The following VDAC1 variants were observed in gnomAD, a reference collection of about 807,000 sequenced individuals.
The protein encoded by VDAC1 is voltage dependent anion channel 1, also known as non-selective voltage-gated ion channel VDAC1.
Under a neutral mutation model 34.7 loss-of-function variants are expected in VDAC1, and 10 were observed. The ratio of observed to expected loss-of-function variants is 0.29; its 90% CI spans 0.18 to 0.49. The LOEUF (loss-of-function observed/expected upper bound fraction) is 0.49. VDAC1 is among the 20% of genes least tolerant of loss of function. The pLI, the probability that VDAC1 is intolerant of heterozygous loss-of-function variation, is 0.99. For synonymous variants in VDAC1, 130 were observed against 136.0 expected, an observed-to-expected ratio of 0.96 and a Z score of 0.30; for missense variants, 230 against 347.9, an observed-to-expected ratio of 0.66 and a Z score of 2.69.
chr5:134,018,255 A>T, the VDAC1 span, among the ~76,000 whole-genome samples: 1 of 152,308 alleles, frequency 6.6e-6, no homozygotes, highest in Non-Finnish European at 1.5e-5. Context: ...GGAGCAAGGG[A>T]GAGAAGGAGG....
the VDAC1 span, among the ~76,000 whole-genome samples, chr5:134,022,163 G>A: frequency 6.6e-6 from 1 of 152,310 alleles, no homozygotes; most frequent in East Asian, 1.9e-4. Flanking sequence ...ACAGGCGTGA[G>A]CCACTGTGCC....
chr5:134,021,378 C>T, the VDAC1 span, among the ~76,000 whole-genome samples: 1 of 151,052 alleles, frequency 6.6e-6, no homozygotes, highest in South Asian at 2.1e-4. Context: ...TGATGTTCCC[C>T]ACTCTGTGTC....
At chr5:134,004,491 C>T (rs1753683529) in intron 1 of VDAC1, 1 of 153,160 alleles carries the variant, frequency 6.5e-6, no homozygotes, top group African/African-American at 2.4e-5. Context: ...GCTCACCAGC[C>T]AGGCCCGCGC....
the VDAC1 span, among the ~76,000 whole-genome samples, chr5:134,011,333 T>G: frequency 1.4e-4 from 22 of 152,084 alleles, no homozygotes; most frequent in Non-Finnish European, 2.5e-4. Flanking sequence ...TTATTTGTTT[T>G]TTTGCTTGTT....
At position 133,988,379 on chromosome 5, in the gene VDAC1, G is replaced by C. The variant is rs539574099; in HGVS notation, c.323+2476C>G. On this transcript the variant is annotated intron_variant, in intron 5 of 8. Coordinates refer to ENST00000265333, the MANE Select transcript of VDAC1 (RefSeq NM_003374.3). The stretch of plus-strand genomic sequence containing the variant: ...AGGTGGGCAGATCACCCAAGGTCAG[G>C]AGTTCAAGACCAGCCTGACCAACAT... Among the ~76,000 whole-genome samples, 88 of 151,996 alleles carry C rather than the reference G, an allele frequency of 5.8e-4. 1 individual carries two copies. In the Middle Eastern group the frequency reaches 0.017, roughly 30 times the overall value.
Position 133,975,995 on chromosome 5 carries a change from G to T in VDAC1, c.578C>A (p.Ser193Tyr). Residue 193 changes from serine (S) to tyrosine (Y), a missense_variant, in exon 7 of 9, where the codon TCC (serine) becomes TAC (tyrosine). Physicochemically the swap from Ser to Tyr is moderately radical, Grantham distance 144. Coordinates refer to ENST00000265333, the MANE Select transcript of VDAC1 (RefSeq NM_003374.3). The part of the protein sequence containing the change: ...NVNDGTEFGG[S>Y]IYQKVNKKLE... ...CTTCTTGTTCACTTTCTGGTAAATG[G>T]AGCCGCCAAACTCTGTCCCGTCATT... is the stretch of plus-strand genomic sequence containing the variant. The T allele has an allele frequency of 6.2e-7, 1 of 1,613,994 alleles. No individual in the cohort carries two copies.
intron 5 of VDAC1, among the ~76,000 whole-genome samples, chr5:133,985,230 T>A (rs1009039681): frequency 2.0e-5 from 3 of 152,176 alleles, no homozygotes; most frequent in African/African-American, 7.2e-5. Flanking sequence ...GGAGTAGGTG[T>A]GCACAGACCT....
Position 133,990,854 on chromosome 5 carries a change from C to A in VDAC1, c.323+1G>T. The A allele has an allele frequency of 6.5e-7, 1 of 1,542,156 alleles. No homozygotes were observed. Among genetic ancestry groups the A allele is most frequent in the Non-Finnish European group, 8.7e-7 (1 of 1,144,342 alleles). On this transcript the variant is annotated splice_donor_variant, in intron 5 of 8. Coordinates refer to ENST00000265333, the MANE Select transcript of VDAC1 (RefSeq NM_003374.3). LOFTEE classifies it high-confidence loss of function. ...GTGGAGAAAACAGATGAAACTCTTA[C>A]CCAGTGTTAGGTGAGAAGGATGAAT...
At chr5:133,982,828 T>C (rs1364606750) in intron 5 of VDAC1, among the ~76,000 whole-genome samples, 1 of 147,918 alleles carries the variant, frequency 6.8e-6, no homozygotes, top group Non-Finnish European at 1.5e-5. Flanking sequence ...AGGTGGAGGT[T>C]GCAGTGAGCC....
At chr5:133,990,931 C>G (rs1275185648) in intron 4 of VDAC1, 24 bp from the exon 5 acceptor site, 1 of 1,595,162 alleles carries the variant, frequency 6.3e-7, no homozygotes, top group Admixed American at 1.7e-5. Flanking sequence ...AAATTTGCCA[C>G]TAGATTTAGT....
chr5:134,019,935 C>G, the VDAC1 span, among the ~76,000 whole-genome samples: 1 of 152,168 alleles, frequency 6.6e-6, no homozygotes, highest in Non-Finnish European at 1.5e-5. Flanking sequence ...ACGACTTTCT[C>G]TCTGACATGG....
At chr5:134,034,397 G>A in the VDAC1 span, among the ~76,000 whole-genome samples, 1 of 152,276 alleles carries the variant, frequency 6.6e-6, no homozygotes, top group Non-Finnish European at 1.5e-5. Flanking sequence ...CTTGAAACGA[G>A]GGTGGGCCCC....
chr5:134,019,487 G>A, the VDAC1 span, among the ~76,000 whole-genome samples: 1 of 152,170 alleles, frequency 6.6e-6, no homozygotes, highest in Non-Finnish European at 1.5e-5. Flanking sequence ...GGCTGAAGTA[G>A]GTGGATTACT....
the VDAC1 span, among the ~76,000 whole-genome samples, chr5:134,044,220 C>T: frequency 6.6e-6 from 1 of 152,202 alleles, no homozygotes; most frequent in East Asian, 1.9e-4. Flanking sequence ...TTATGATTGG[C>T]AGCCTGAACT....
intron 1 of VDAC1, 60 bp downstream of exon 1, chr5:134,004,834 GC>G (rs1365432446): frequency 6.6e-6 from 1 of 150,780 alleles, no homozygotes; most frequent in Non-Finnish European, 1.5e-5. Context: ...CCCAGGCCCC[GC>G]CCGGGACAGC....
chr5:134,097,084 T>TATC, the VDAC1 span, among the ~76,000 whole-genome samples: 3 of 152,244 alleles, frequency 2.0e-5, no homozygotes, highest in East Asian at 5.8e-4. Flanking sequence ...CATAAAAAGA[T>TATC]ATCAGCATTA....
chr5:134,036,974 A>G, the VDAC1 span, among the ~76,000 whole-genome samples: 2 of 151,246 alleles, frequency 1.3e-5, no homozygotes, highest in South Asian at 4.2e-4. Flanking sequence ...CAAAAAAACA[A>G]CAAACAAACA....
chr5:134,082,656 A>C, the VDAC1 span, among the ~76,000 whole-genome samples: 1 of 152,330 alleles, frequency 6.6e-6, no homozygotes, highest in South Asian at 2.1e-4. Context: ...CTGTTATCCA[A>C]ATTGGTTTTA....
the VDAC1 span, among the ~76,000 whole-genome samples, chr5:134,053,757 C>T: frequency 6.6e-6 from 1 of 152,232 alleles, no homozygotes; most frequent in Admixed American, 6.5e-5. Context: ...AGTCAACCAG[C>T]GCCTGCCTTC....
Sources: allele counts gnomAD v4.1 joint callset (sites outside exome capture counted in the v4.1 genomes callset), GRCh38; gene constraint gnomAD v4.1.1; transcripts MANE v1.5; gene names NCBI Gene and HGNC (gene_info 2026-07-23, HGNC 2026-07-21).